Variants in SYN3 observed in about 807,000 individuals in gnomAD.
The protein encoded by SYN3 is synapsin III.
In SYN3, 35 loss-of-function variants were observed where a neutral mutation model predicts 65.8. The observed-to-expected ratio is 0.53, with a 90% CI of 0.41 to 0.70. SYN3 has a LOEUF of 0.70. Ranked by LOEUF, SYN3 falls within the 30% of genes least tolerant of loss-of-function variation. The pLI, the probability that SYN3 is intolerant of heterozygous loss-of-function variation, is 0.00. For missense variants in SYN3, 680 were observed against 749.0 expected (o/e 0.91, Z 1.08); for synonymous variants, 270 against 292.9 (o/e 0.92, Z 0.80).
In SYN3 at chr22:32,595,202, TTAGA is replaced by T. The variant is rs576549873; in HGVS notation, c.774+1468_774+1471del. Among the ~76,000 whole-genome samples, 1,102 of 152,266 alleles carry T rather than the reference TTAGA, an allele frequency of 7.2e-3. 16 individuals are homozygous for T. Among genetic ancestry groups the T allele is most frequent in the African/African-American group, 0.025 (1,053 of 41,566 alleles). On this transcript the variant is annotated intron_variant, in intron 7 of 13. Transcript: ENST00000358763. The stretch of plus-strand genomic sequence containing the variant: ...TTGATCCAAGCAAGGTTCCATGGGA[TTAGA>T]TACAGAGGTGCTGGACAAAAAGAGG...
rs969155324 is a variant in SYN3, at chr22:33,021,446, G to A, written c.-162-14622C>T. Among the ~76,000 whole-genome samples, 4 of 152,166 alleles carry A rather than the reference G, an allele frequency of 2.6e-5. No homozygotes were observed. The East Asian group carries it at 5.8e-4, about 22-fold the overall frequency. ...ACAATTGCTTTTTAATCTTGATGACGTAGTGTTTCACAGCCTAACACCTGG... is the reference window on the plus strand; with the variant it reads ...ACAATTGCTTTTTAATCTTGATGACATAGTGTTTCACAGCCTAACACCTGG... On this transcript the variant is annotated intron_variant, in intron 1 of 13. Transcript: ENST00000358763.
At chr22:32,838,211 A>G (rs1389389051) in intron 6 of SYN3, among the ~76,000 whole-genome samples, 1 of 152,234 alleles carries the variant, frequency 6.6e-6, no homozygotes, top group Non-Finnish European at 1.5e-5. Context: ...CTGAATAAAT[A>G]TCAGATGAGT....
chr22:32,624,153 C>T (rs567035387), intron 6 of SYN3, among the ~76,000 whole-genome samples: 1 of 152,340 alleles, frequency 6.6e-6, no homozygotes, highest in African/African-American at 2.4e-5. Context: ...GGGACAGTGA[C>T]ATCATCGCTC....
chr22:32,674,670 A>G (rs1304112133), intron 6 of SYN3, among the ~76,000 whole-genome samples: 1 of 152,202 alleles, frequency 6.6e-6, no homozygotes, highest in Non-Finnish European at 1.5e-5. Context: ...AAGGGTGTCT[A>G]AGATGGTGCA....
intron 6 of SYN3, among the ~76,000 whole-genome samples, chr22:32,664,472 G>A (rs2060260542): frequency 6.6e-6 from 1 of 151,258 alleles, no homozygotes; most frequent in Non-Finnish European, 1.5e-5. Context: ...TATTTCCATA[G>A]GTTTTTGGGG....
At chr22:32,605,011 A>AG (rs1324295041) in intron 6 of SYN3, among the ~76,000 whole-genome samples, 2 of 150,622 alleles carry the variant, frequency 1.3e-5, no homozygotes, top group East Asian at 3.9e-4. Flanking sequence ...ATCTCAGAAA[A>AG]AAAAAAAAAA....
intron 6 of SYN3, among the ~76,000 whole-genome samples, chr22:32,826,446 A>C (rs1404991152): frequency 6.6e-6 from 1 of 152,040 alleles, no homozygotes; most frequent in Non-Finnish European, 1.5e-5. Context: ...ATAAATAAAT[A>C]AATAAACAAA....
At chr22:32,854,451 C>T (rs143087342) in intron 6 of SYN3, among the ~76,000 whole-genome samples, 426 of 152,238 alleles carry the variant, frequency 2.8e-3, no homozygotes, top group Non-Finnish European at 4.6e-3. Flanking sequence ...GAAAGACTGA[C>T]GCAGAAGGAA....
chr22:32,820,026 T>G (rs1309830443), intron 6 of SYN3, among the ~76,000 whole-genome samples: 1 of 151,976 alleles, frequency 6.6e-6, no homozygotes, highest in African/African-American at 2.4e-5. Flanking sequence ...TTGAGGGGAT[T>G]TTTTGGTGTG....
intron 6 of SYN3, among the ~76,000 whole-genome samples, chr22:32,713,606 G>A (rs1042682340): frequency 2.8e-4 from 42 of 152,108 alleles, no homozygotes; most frequent in Non-Finnish European, 5.3e-4. Context: ...CGAGGCGGGC[G>A]GATCACAAGG....
chr22:32,827,673 T>G (rs1371800699), intron 6 of SYN3, among the ~76,000 whole-genome samples: 4 of 152,214 alleles, frequency 2.6e-5, no homozygotes. Context: ...CAGTCACATC[T>G]CTGCCAATGC....
chr22:32,508,304 C>A lies in SYN3; in HGVS notation c.*5388G>T, dbSNP rs1008292437. On this transcript the variant is annotated 3_prime_UTR_variant, in exon 14 of 14. Transcript: ENST00000358763. ...CTCCCGCACTGAGCACCTTGTGACCCCCGCCCCTGCCCACCAGAGAACAAC... is the reference window on the plus strand; with the variant it reads ...CTCCCGCACTGAGCACCTTGTGACCACCGCCCCTGCCCACCAGAGAACAAC... Among the ~76,000 whole-genome samples, 2 of 152,162 alleles carry A rather than the reference C, an allele frequency of 1.3e-5. No individual in the cohort carries two copies. Among genetic ancestry groups the A allele is most frequent in the African/African-American group, 4.8e-5 (2 of 41,430 alleles).
At chr22:32,941,589 C>T (rs1041327464) in intron 3 of SYN3, among the ~76,000 whole-genome samples, 4 of 150,628 alleles carry the variant, frequency 2.7e-5, no homozygotes, top group African/African-American at 9.7e-5. Flanking sequence ...TGGGGTGTGT[C>T]GGACAGTGGG....
chr22:32,557,439 T>C (rs2058519682), intron 7 of SYN3, among the ~76,000 whole-genome samples: 2 of 152,202 alleles, frequency 1.3e-5, no homozygotes, highest in South Asian at 4.1e-4. Context: ...CTTCATCTCA[T>C]TTTCACACTC....
intron 7 of SYN3, among the ~76,000 whole-genome samples, chr22:32,574,066 C>T (rs552325150): frequency 2.0e-5 from 3 of 151,900 alleles, no homozygotes; most frequent in Non-Finnish European, 4.4e-5. Context: ...GCATGAGCCA[C>T]TGAGCTTGGC....
At chr22:32,550,019 G>A (rs2058389542) in intron 7 of SYN3, among the ~76,000 whole-genome samples, 1 of 152,096 alleles carries the variant, frequency 6.6e-6, no homozygotes, top group African/African-American at 2.4e-5. Context: ...TATAATTTTG[G>A]CTTTGGAATC....
intron 3 of SYN3, among the ~76,000 whole-genome samples, chr22:32,948,703 CT>C (rs1218862315): frequency 6.6e-6 from 1 of 151,340 alleles, no homozygotes; most frequent in Non-Finnish European, 1.5e-5. Context: ...CGTCACTGCA[CT>C]CCAGCCTGGG....
At position 32,666,351 on chromosome 22, in the gene SYN3, C is replaced by G. The variant is rs928385551; in HGVS notation, c.712-69615G>C. On this transcript the variant is annotated intron_variant, in intron 6 of 13. Transcript: ENST00000358763. ...ACCCAAACCAAACAATCCAAACAAGCCACAGAGCCTGACACCTTCAGGCAT... is the reference window on the plus strand; with the variant it reads ...ACCCAAACCAAACAATCCAAACAAGGCACAGAGCCTGACACCTTCAGGCAT... Among the ~76,000 whole-genome samples the G allele has an allele frequency of 3.1e-4, 8 of 26,166 alleles. No individual in the cohort carries two copies. The Admixed American group carries it at 3.5e-3, about 12-fold the overall frequency. The allele number at this position is 26,166 out of a possible 152,430, so 17.2% of individuals were successfully genotyped here. A position where few individuals can be genotyped will look rare whatever the true frequency, so the allele number is the denominator to read the frequency against.
chr22:32,963,195 G>A (rs2051714972), intron 3 of SYN3, among the ~76,000 whole-genome samples: 1 of 149,282 alleles, frequency 6.7e-6, no homozygotes, highest in African/African-American at 2.5e-5. Context: ...TCGTGCCTCA[G>A]CCTCCGAGCA....
Sources: allele counts gnomAD v4.1 joint callset (sites outside exome capture counted in the v4.1 genomes callset), GRCh38; gene constraint gnomAD v4.1.1; transcripts MANE v1.5; gene names NCBI Gene and HGNC (gene_info 2026-07-23, HGNC 2026-07-21).